Variants in TCTN1 observed in about 807,000 individuals in gnomAD.
The protein encoded by TCTN1 is tectonic family member 1, also known as tectonic-1.
TCTN1 carries 58 observed loss-of-function variants against 65.8 expected under a neutral mutation model. The ratio of observed to expected loss-of-function variants is 0.88; its 90% confidence interval spans 0.71 to 1.10. The LOEUF (loss-of-function observed/expected upper bound fraction) is 1.10, where lower values mean the gene tolerates loss of function less well. TCTN1 is among the 50% of genes least tolerant of loss of function. The pLI is 0.00. For missense variants in TCTN1, 645 were observed against 719.4 expected, an observed-to-expected ratio of 0.90 and a Z score of 1.18; for synonymous variants, 273 against 289.1, an observed-to-expected ratio of 0.94 and a Z score of 0.57.
chr12:110,619,016 C>CAAA (rs1289748093), intron 1 of TCTN1, among the ~76,000 whole-genome samples: 1 of 109,246 alleles, frequency 9.2e-6, no homozygotes, highest in Non-Finnish European at 2.0e-5. Flanking sequence ...AATAAAAATA[C>CAAA]AAAAAAAAAA....
At chr12:110,618,589 A>G (rs1220538699) in intron 1 of TCTN1, among the ~76,000 whole-genome samples, 2 of 151,982 alleles carry the variant, frequency 1.3e-5, no homozygotes, top group Non-Finnish European at 2.9e-5. Flanking sequence ...TGGCCAGGGC[A>G]GTCTCAAACT....
At chr12:110,645,326 G>T (rs1026432762) in intron 12 of TCTN1, 197 bp downstream of exon 12, 60 of 640,900 alleles carry the variant, frequency 9.4e-5, no homozygotes, top group Non-Finnish European at 3.0e-5. Context: ...TTGAGCCTCT[G>T]TTTTCATCTG....
intron 5 of TCTN1, among the ~76,000 whole-genome samples, chr12:110,634,053 C>G (rs987011693): frequency 6.6e-6 from 1 of 152,096 alleles, no homozygotes; most frequent in Non-Finnish European, 1.5e-5. Flanking sequence ...AAAGGAGGAG[C>G]TGCTTCATGT....
intron 1 of TCTN1, 120 bp downstream of exon 1, chr12:110,614,522 C>T: frequency 1.1e-5 from 16 of 1,520,288 alleles, no homozygotes; most frequent in Non-Finnish European, 1.4e-5. Context: ...GCAGACACTG[C>T]TGAGTGTTCC....
chr12:110,614,417 C>T lies in TCTN1; in HGVS notation c.220+15C>T, dbSNP rs773826085. 2.5e-6 allele frequency: 4 copies of T among 1,582,714 alleles called. No individual in the cohort carries two copies. The highest frequency in any genetic ancestry group is 1.8e-5 in the Admixed American group (1 of 55,384). On this transcript the variant is annotated intron_variant, in intron 1 of 14. Coordinates refer to ENST00000397659, the MANE Select transcript of TCTN1 (RefSeq NM_001082538.3). ...AGTCACGGACGGTGGGTACCATGTG[C>T]CAGCTCCTGGAGTCCACAGTGATCC...
rs988117529 is a variant in TCTN1 at position 110,640,374 on chromosome 12, A to G, written c.844-9A>G. On this transcript the variant is annotated splice_polypyrimidine_tract_variant and intron_variant, in intron 7 of 14. Coordinates refer to ENST00000397659, the MANE Select transcript of TCTN1 (RefSeq NM_001082538.3). The surrounding 1 kb of genome is among the most constrained non-coding windows in gnomAD (Gnocchi z 4.9). ...AGCATCTTCAACACTCCAGGTCTTC[A>G]CTCTGCAGGTCCCTATCACTGTTCA... The G allele has an allele frequency of 2.5e-6, 4 of 1,613,960 alleles. No individual in the cohort carries two copies. Among genetic ancestry groups the G allele is most frequent in the Non-Finnish European group, 3.4e-6 (4 of 1,179,996 alleles).
intron 4 of TCTN1, chr12:110,629,986 C>T (rs2066125584): frequency 6.6e-6 from 1 of 152,132 alleles, no homozygotes; most frequent in African/African-American, 2.4e-5. Flanking sequence ...GAAAACCAAA[C>T]ATCGCATGTT....
At position 110,640,116 on chromosome 12, in the gene TCTN1, A is replaced by G. The variant is rs548648785; in HGVS notation, c.844-267A>G. ...CTATTTTGATAGTGCAGCTGTGAAC[A>G]TTTGTGTACAAGTTTTTGTGTAAAC... On this transcript the variant is annotated intron_variant, in intron 7 of 14. Coordinates refer to ENST00000397659, the MANE Select transcript of TCTN1 (RefSeq NM_001082538.3). The surrounding 1 kb of genome is among the most constrained non-coding windows in gnomAD (Gnocchi z 4.9). 4.6e-5 allele frequency among the ~76,000 whole-genome samples: 7 copies of G among 152,188 alleles called. No homozygotes were observed. Among genetic ancestry groups the G allele is most frequent in the Non-Finnish European group, 8.8e-5 (6 of 68,038 alleles).
Position 110,642,277 on chromosome 12 carries a change from T to C in TCTN1, c.1219T>C (p.Tyr407His), listed in dbSNP as rs2067007774. ...GSGIIQTTNR[Y>H]GQLTILHSTT... The stretch of plus-strand genomic sequence containing the variant: ...TGGGATTATTCAGACCACAAATAGA[T>C]ATGGACAGCTTACTATTCTTCATAG... Residue 407 changes from tyrosine to histidine, a missense_variant, in exon 11 of 15, where the codon TAT becomes CAT. Tyr to His is a moderately conservative substitution (Grantham distance 83). Coordinates refer to ENST00000397659, the MANE Select transcript of TCTN1 (RefSeq NM_001082538.3). 5.0e-6 allele frequency: 8 copies of C among 1,614,184 alleles called. No homozygotes were observed. Among genetic ancestry groups the C allele is most frequent in the Non-Finnish European group, 3.4e-6 (4 of 1,180,040 alleles).
chr12:110,628,984 C>T, intron 4 of TCTN1, 66 bp downstream of exon 4: 1 of 1,593,904 alleles, frequency 6.3e-7, no homozygotes, highest in Non-Finnish European at 8.6e-7. Context: ...AGTTAATTTT[C>T]AAGGTTACCA....
chr12:110,618,750 A>G (rs2065220210), intron 1 of TCTN1, among the ~76,000 whole-genome samples: 1 of 152,238 alleles, frequency 6.6e-6, no homozygotes, highest in African/African-American at 2.4e-5. Context: ...AATAATTGCA[A>G]CTATAAATTC....
intron 2 of TCTN1, among the ~76,000 whole-genome samples, chr12:110,621,615 G>A (rs2065435352): frequency 6.6e-6 from 1 of 151,926 alleles, no homozygotes; most frequent in Non-Finnish European, 1.5e-5. Context: ...TGGGACTACA[G>A]GCGTGTGCCA....
intron 6 of TCTN1, among the ~76,000 whole-genome samples, chr12:110,635,245 G>T (rs1199565566): frequency 2.0e-5 from 3 of 152,166 alleles, no homozygotes; most frequent in Non-Finnish European, 4.4e-5. Flanking sequence ...TGGTGAAGGG[G>T]CCCCTTCTCT....
chr12:110,631,597 G>C (rs1229473513), intron 4 of TCTN1, among the ~76,000 whole-genome samples: 1 of 152,110 alleles, frequency 6.6e-6, no homozygotes, highest in African/African-American at 2.4e-5. Context: ...TCATGCCACT[G>C]CACTCCAGCC....
rs377172408 is a variant in TCTN1, at chr12:110,616,093, A to C, written c.220+1691A>C. Among the ~76,000 whole-genome samples the C allele has an allele frequency of 7.2e-5, 11 of 152,290 alleles. No homozygotes were observed. The East Asian group carries it at 9.6e-4, about 13-fold the overall frequency. On this transcript the variant is annotated intron_variant, in intron 1 of 14. Transcript: ENST00000397659. Reference sequence around the variant, plus strand: ...CCAAGTATTCAATGCCTGAAACTCTAAAGTTTTTGGACTGGATTGTCTTTT... The same window carrying C: ...CCAAGTATTCAATGCCTGAAACTCTCAAGTTTTTGGACTGGATTGTCTTTT...
At chr12:110,617,544 C>T (rs1230424320) in intron 1 of TCTN1, among the ~76,000 whole-genome samples, 1 of 151,916 alleles carries the variant, frequency 6.6e-6, no homozygotes, top group African/African-American at 2.4e-5. Flanking sequence ...CCAGGCTGGT[C>T]TCAAACTCCT....
chr12:110,615,711 TG>T (rs1210747959), intron 1 of TCTN1, among the ~76,000 whole-genome samples: 2 of 152,298 alleles, frequency 1.3e-5, no homozygotes, highest in East Asian at 3.9e-4. Flanking sequence ...CTCAAACTCC[TG>T]GGCTCAAGTG....
At position 110,645,097 on chromosome 12, in the gene TCTN1, A is replaced by G. The variant is rs374332767; in HGVS notation, c.1462A>G (p.Ile488Val). ...QAQDMLDWVPIHFITQSFNRK... is the reference protein window; with the variant it reads ...QAQDMLDWVPVHFITQSFNRK... ...CCAGGACATGCTGGACTGGGTGCCC[A>G]TCCACTTCATCACCCAGTCATTCAA... The change falls in exon 12 of 15, where the codon ATC (isoleucine) becomes GTC (valine). Residue 488 changes from isoleucine (I) to valine (V), a missense_variant. Transcript: ENST00000397659. 9.9e-6 allele frequency: 16 copies of G among 1,614,028 alleles called. No individual in the cohort carries two copies. Among genetic ancestry groups the G allele is most frequent in the Non-Finnish European group, 1.3e-5 (15 of 1,180,034 alleles).
In TCTN1 at chr12:110,649,278, A is replaced by G; in HGVS notation, c.*237A>G. 2 of 729,790 alleles carry G rather than the reference A, an allele frequency of 2.7e-6. No homozygotes were observed. Among genetic ancestry groups the G allele is most frequent in the South Asian group, 3.1e-5 (2 of 64,302 alleles). 45.2% of individuals were successfully genotyped at this position (729,790 alleles called of 1,614,324 possible). A position where few individuals can be genotyped will look rare whatever the true frequency, so the allele number is the denominator to read the frequency against. On this transcript the variant is annotated 3_prime_UTR_variant, in exon 15 of 15. Transcript: ENST00000397659. ...ACAAGGCTGTGTCCACCCAGAATCC[A>G]TGCTGGCAGGAGGGAGGCAGAGGTA... is the stretch of plus-strand genomic sequence containing the variant.
Sources: gnomAD v4.1 joint callset for allele counts (sites outside exome capture counted in the v4.1 genomes callset) on GRCh38, gnomAD v4.1.1 for gene constraint, Gnocchi (gnomAD v3.1) non-coding constraint, MANE v1.5 for transcripts, NCBI Gene and HGNC (gene_info 2026-07-23, HGNC 2026-07-21) for gene names.